The following PTPRD variants were observed in gnomAD, a reference collection of about 807,000 sequenced individuals.
PTPRD encodes the protein protein tyrosine phosphatase receptor type D, also known as receptor-type tyrosine-protein phosphatase delta.
In PTPRD, 34 loss-of-function variants were observed where a neutral mutation model predicts 214.5. That is an observed-to-expected ratio of 0.16 (90% CI 0.12 to 0.21). PTPRD has a LOEUF of 0.21. PTPRD is among the 10% of genes least tolerant of loss of function. The probability of loss-of-function intolerance (pLI) is 1.00; values close to 1 mark genes in which losing one functional copy is unlikely to be tolerated. For synonymous variants in PTPRD, 1,128 were observed against 845.7 expected (o/e 1.33, Z -5.79); for missense variants, 2,545 against 2,398.7 (o/e 1.06, Z -1.27).
intron 11 of PTPRD, among the ~76,000 whole-genome samples, chr9:8,796,005 A>C (rs1161064873): frequency 2.0e-5 from 3 of 152,234 alleles, no homozygotes; most frequent in Non-Finnish European, 4.4e-5. Context: ...TGAAGAAATT[A>C]AGTGCCAAAT....
At chr9:9,060,601 A>G (rs565912828) in intron 10 of PTPRD, among the ~76,000 whole-genome samples, 1 of 152,284 alleles carries the variant, frequency 6.6e-6, no homozygotes, top group South Asian at 2.1e-4. Context: ...TATTTTTCAC[A>G]TATATAATAA....
intron 8 of PTPRD, among the ~76,000 whole-genome samples, chr9:9,444,253 T>C (rs541989105): frequency 6.6e-6 from 1 of 152,156 alleles, no homozygotes; most frequent in Non-Finnish European, 1.5e-5. Context: ...TTTTTTGACT[T>C]CTAGTTTTTT....
At chr9:9,989,650 G>C (rs2095845344) in intron 4 of PTPRD, among the ~76,000 whole-genome samples, 1 of 152,280 alleles carries the variant, frequency 6.6e-6, no homozygotes, top group Admixed American at 6.5e-5. Flanking sequence ...CACTGGAAAA[G>C]GGCACAGGTG....
At chr9:10,482,294 C>T (rs1473348393) in intron 2 of PTPRD, among the ~76,000 whole-genome samples, 2 of 151,984 alleles carry the variant, frequency 1.3e-5, no homozygotes, top group Non-Finnish European at 2.9e-5. Context: ...TGGCATGAAC[C>T]CGGGAGGTGG....
chr9:10,590,926 T>C (rs1364358677), intron 2 of PTPRD, among the ~76,000 whole-genome samples: 5 of 150,912 alleles, frequency 3.3e-5, no homozygotes, highest in African/African-American at 4.8e-5. Context: ...TATATAAATA[T>C]ATTACACTGT....
intron 21 of PTPRD, among the ~76,000 whole-genome samples, chr9:8,508,465 A>G (rs992533692): frequency 2.6e-5 from 4 of 152,208 alleles, no homozygotes; most frequent in African/African-American, 7.2e-5. Flanking sequence ...TGCTTTCCCA[A>G]TTGTAAAACA....
At chr9:8,716,850 GT>G (rs1292399157) in intron 12 of PTPRD, among the ~76,000 whole-genome samples, 1 of 152,190 alleles carries the variant, frequency 6.6e-6, no homozygotes, top group Non-Finnish European at 1.5e-5. Context: ...AATGTAGGGG[GT>G]TGGGGGTGAG....
intron 33 of PTPRD, among the ~76,000 whole-genome samples, chr9:8,458,699 T>C (rs2096285994): frequency 6.6e-6 from 1 of 152,138 alleles, no homozygotes. Context: ...GTGTACCTCA[T>C]GCTTCCTGCC....
chr9:9,112,373 C>A (rs539934918), intron 10 of PTPRD, among the ~76,000 whole-genome samples: 2 of 152,272 alleles, frequency 1.3e-5, no homozygotes, highest in East Asian at 3.9e-4. Flanking sequence ...CCTCTCCAGC[C>A]TCTAACATTC....
chr9:8,400,424 G>T (rs1030877450), intron 36 of PTPRD, among the ~76,000 whole-genome samples: 1 of 152,156 alleles, frequency 6.6e-6, no homozygotes, highest in African/African-American at 2.4e-5. Context: ...TGATGCATTT[G>T]ATGATTCCCA....
intron 9 of PTPRD, among the ~76,000 whole-genome samples, chr9:9,213,391 C>G (rs1235647371): frequency 6.6e-6 from 1 of 152,148 alleles, no homozygotes; most frequent in Non-Finnish European, 1.5e-5. Context: ...CAGTGTTACT[C>G]TGTTATTCGT....
rs571099780 is a variant in PTPRD, at chr9:9,612,789, TA to T, written c.-286-38009del. ...TGGACTATTTTGATTCATGTTGATA[TA>T]AGAAACACTTTGCTGTCAAGGGAAA... On this transcript the variant is annotated intron_variant, in intron 7 of 45. Transcript: ENST00000381196. Among the ~76,000 whole-genome samples the T allele has an allele frequency of 1.2e-4, 19 of 152,258 alleles. No homozygotes were observed. The East Asian group carries it at 3.7e-3, about 29-fold the overall frequency.
chr9:9,087,327 A>AATC (rs1412216435), intron 10 of PTPRD, among the ~76,000 whole-genome samples: 5 of 152,152 alleles, frequency 3.3e-5, no homozygotes, highest in African/African-American at 4.8e-5. Flanking sequence ...AGAGAAGATA[A>AATC]ATCACAAATA....
chr9:9,430,939 C>A (rs1293783919), intron 8 of PTPRD, among the ~76,000 whole-genome samples: 1 of 152,148 alleles, frequency 6.6e-6, no homozygotes, highest in Non-Finnish European at 1.5e-5. Flanking sequence ...AGACCTAAAA[C>A]CATAAAAATC....
chr9:8,481,388 T>C (rs2096882248), intron 30 of PTPRD, among the ~76,000 whole-genome samples: 1 of 152,164 alleles, frequency 6.6e-6, no homozygotes, highest in African/African-American at 2.4e-5. Flanking sequence ...AAGGTTGTTT[T>C]AGGATGTGTA....
intron 9 of PTPRD, among the ~76,000 whole-genome samples, chr9:9,349,981 G>C (rs901842929): frequency 2.6e-5 from 4 of 152,030 alleles, no homozygotes; most frequent in Admixed American, 6.6e-5. Context: ...TATCAGCATA[G>C]ATGTAACCTT....
chr9:10,583,451 G>C (rs1853228), intron 2 of PTPRD, among the ~76,000 whole-genome samples: 26,577 of 148,936 alleles, frequency 0.18, 2,638 homozygotes, highest in South Asian at 0.26. Context: ...TTATAAACTA[G>C]AAGTTCTTTT....
chr9:8,535,682 A>C (rs2076757862), intron 14 of PTPRD, among the ~76,000 whole-genome samples: 2 of 151,912 alleles, frequency 1.3e-5, no homozygotes, highest in South Asian at 4.1e-4. Flanking sequence ...TCTTAAAGAA[A>C]ATAGTTTTTA....
At chr9:9,938,118 G>C (rs1397998875) in intron 5 of PTPRD, among the ~76,000 whole-genome samples, 1 of 152,102 alleles carries the variant, frequency 6.6e-6, no homozygotes, top group Non-Finnish European at 1.5e-5. Context: ...TTACCAGTAA[G>C]GTGGCACTGA....
Sources: gnomAD v4.1 joint callset for allele counts (sites outside exome capture counted in the v4.1 genomes callset) on GRCh38, gnomAD v4.1.1 for gene constraint, MANE v1.5 for transcripts, NCBI Gene and HGNC (gene_info 2026-07-23, HGNC 2026-07-21) for gene names.